Variants in ANKS1B observed in about 807,000 individuals in gnomAD.
ANKS1B encodes ankyrin repeat and sterile alpha motif domain containing 1B, also known as ankyrin repeat and sterile alpha motif domain-containing protein 1B.
ANKS1B carries 36 observed loss-of-function variants against 148.3 expected under a neutral mutation model. The observed-to-expected ratio is 0.24, with a 90% CI of 0.19 to 0.32. ANKS1B has a LOEUF of 0.32. Among genes scored for constraint, ANKS1B ranks in the 10% least tolerant of loss-of-function variants. The probability of loss-of-function intolerance (pLI) is 1.00; values close to 1 mark genes in which losing one functional copy is unlikely to be tolerated. For synonymous variants in ANKS1B, 542 were observed against 560.8 expected (o/e 0.97, Z 0.47); for missense variants, 1,157 against 1,542.6 (o/e 0.75, Z 4.19).
chr12:99,402,294 G>C (rs1049263892), intron 11 of ANKS1B, among the ~76,000 whole-genome samples: 1 of 145,980 alleles, frequency 6.9e-6, no homozygotes, highest in Non-Finnish European at 1.5e-5. Flanking sequence ...TTAGTTTTAT[G>C]AGATGTTAAA....
Position 98,882,383 on chromosome 12 carries a change from T to A in ANKS1B, c.2779-50247A>T, listed in dbSNP as rs533577361. On this transcript the variant is annotated intron_variant, in intron 17 of 26. Coordinates refer to ENST00000683438, the MANE Select transcript of ANKS1B (RefSeq NM_001352186.2). ...GACACCAAAGAGGACAAAATATCCA[T>A]TTCCAGAAGATGTGCAGTATAATTA... is the stretch of plus-strand genomic sequence containing the variant. Among the ~76,000 whole-genome samples the A allele has an allele frequency of 3.3e-5, 5 of 152,310 alleles. No homozygotes were observed. The South Asian group carries it at 1.0e-3, about 32-fold the overall frequency.
At chr12:98,877,279 T>G (rs925712845) in intron 17 of ANKS1B, among the ~76,000 whole-genome samples, 12 of 152,240 alleles carry the variant, frequency 7.9e-5, no homozygotes, top group Admixed American at 5.2e-4. Context: ...ATCTTGATTC[T>G]TATTTTCCAA....
At position 99,775,574 on chromosome 12, in the gene ANKS1B, A is replaced by G; in HGVS notation, c.935T>C (p.Val312Ala). ...ATQETHISSP[V>A]ESPSQKTKSE... The stretch of plus-strand genomic sequence containing the variant: ...TTTGGTCTTTTGGGAAGGAGACTCA[A>G]CAGGAGATGAAATGTGTGTTTCTTG... Residue 312 changes from valine (V) to alanine (A), a missense_variant, in exon 7 of 27, where the codon GTT (valine) becomes GCT (alanine). By Grantham distance (64) the Val-to-Ala change is moderately conservative. Around this residue, in one of 6 missense-constraint regions of ANKS1B, gnomAD observed 661 missense variants for 642.1 expected, o/e 1.03. Transcript: ENST00000683438. 6.2e-7 allele frequency: 1 copy of G among 1,613,390 alleles called. No homozygotes were observed.
intron 17 of ANKS1B, among the ~76,000 whole-genome samples, chr12:98,934,959 TG>T (rs1268387734): frequency 6.6e-6 from 1 of 152,082 alleles, no homozygotes; most frequent in African/African-American, 2.4e-5. Flanking sequence ...CCTTTCAATT[TG>T]GGCACCTTTT....
chr12:99,284,803 T>C (rs1430917694), intron 12 of ANKS1B, among the ~76,000 whole-genome samples: 2 of 152,200 alleles, frequency 1.3e-5, no homozygotes, highest in Admixed American at 6.5e-5. Flanking sequence ...TTAAGGTTTT[T>C]TGTGATCCGG....
chr12:98,914,199 A>G (rs186686227), intron 17 of ANKS1B, among the ~76,000 whole-genome samples: 5 of 149,344 alleles, frequency 3.3e-5, no homozygotes, highest in Admixed American at 3.3e-4. Context: ...AAAGTATGGT[A>G]CCTCCCCACT....
intron 17 of ANKS1B, among the ~76,000 whole-genome samples, chr12:99,032,129 T>C (rs2099952611): frequency 6.6e-6 from 1 of 152,182 alleles, no homozygotes; most frequent in East Asian, 1.9e-4. Flanking sequence ...ATGGGGGTCA[T>C]GACTTACAGT....
intron 16 of ANKS1B, among the ~76,000 whole-genome samples, chr12:99,071,640 CTCTCT>C (rs2046305126): frequency 7.6e-6 from 1 of 131,138 alleles, no homozygotes; most frequent in South Asian, 2.7e-4. Context: ...CATTTAATCT[CTCTCT>C]TTTTTTTTTT....
chr12:99,499,066 G>T (rs766163475), intron 10 of ANKS1B, among the ~76,000 whole-genome samples: 4 of 152,158 alleles, frequency 2.6e-5, no homozygotes, highest in Non-Finnish European at 4.4e-5. Context: ...AACCAGAAAA[G>T]AAGTAACAGT....
At chr12:99,866,590 A>G (rs2090785497) in intron 1 of ANKS1B, among the ~76,000 whole-genome samples, 1 of 152,160 alleles carries the variant, frequency 6.6e-6, no homozygotes, top group Non-Finnish European at 1.5e-5. Flanking sequence ...TTACATGTTC[A>G]ATTATCTTGT....
chr12:98,846,218 G>A (rs570833431), intron 17 of ANKS1B, among the ~76,000 whole-genome samples: 8 of 152,292 alleles, frequency 5.3e-5, no homozygotes, highest in Non-Finnish European at 1.0e-4. Flanking sequence ...TATCCTGTAA[G>A]ATTTAGCTCT....
intron 1 of ANKS1B, among the ~76,000 whole-genome samples, chr12:99,873,816 C>T (rs530823307): frequency 2.0e-5 from 3 of 152,102 alleles, no homozygotes; most frequent in Non-Finnish European, 2.9e-5. Flanking sequence ...AGGTAGGCCT[C>T]GTTCAATCAG....
intron 15 of ANKS1B, among the ~76,000 whole-genome samples, chr12:99,090,982 C>T (rs911178030): frequency 3.9e-5 from 6 of 151,968 alleles, no homozygotes; most frequent in African/African-American, 1.2e-4. Context: ...CTAAAAAATC[C>T]CTCTACCCTA....
chr12:99,482,585 T>C (rs929210746), intron 10 of ANKS1B, among the ~76,000 whole-genome samples: 4 of 152,090 alleles, frequency 2.6e-5, no homozygotes, highest in Non-Finnish European at 4.4e-5. Context: ...GGTATTTTGA[T>C]GGGAATTGCA....
intron 25 of ANKS1B, among the ~76,000 whole-genome samples, chr12:98,758,598 GGT>G (rs2098321826): frequency 1.3e-5 from 2 of 152,140 alleles, no homozygotes; most frequent in South Asian, 4.2e-4. Context: ...CTTCCCCAAG[GGT>G]GAGGTAAAAG....
At chr12:99,871,644 T>C (rs745866961) in intron 1 of ANKS1B, among the ~76,000 whole-genome samples, 1 of 152,164 alleles carries the variant, frequency 6.6e-6, no homozygotes, top group Non-Finnish European at 1.5e-5. Context: ...TTAGCAGTAT[T>C]CCTAGGTATT....
intron 14 of ANKS1B, among the ~76,000 whole-genome samples, chr12:99,223,771 C>T (rs1407281766): frequency 6.6e-6 from 1 of 152,038 alleles, no homozygotes; most frequent in Non-Finnish European, 1.5e-5. Context: ...AGGCTTTCCA[C>T]ACTCCACATT....
chr12:99,202,716 T>C (rs1367887812), intron 14 of ANKS1B, among the ~76,000 whole-genome samples: 1 of 152,234 alleles, frequency 6.6e-6, no homozygotes, highest in Non-Finnish European at 1.5e-5. Context: ...TGTATAACAA[T>C]CAACCTAAAA....
intron 12 of ANKS1B, among the ~76,000 whole-genome samples, chr12:99,380,733 C>A (rs1309222166): frequency 1.3e-5 from 2 of 149,162 alleles, no homozygotes; most frequent in Non-Finnish European, 1.5e-5. Context: ...CAGATTAATT[C>A]TTGTTGATCA....
Sources: allele counts gnomAD v4.1 joint callset (sites outside exome capture counted in the v4.1 genomes callset), GRCh38; gene constraint gnomAD v4.1.1; regional missense constraint gnomAD v4.1.1; transcripts MANE v1.5; gene names NCBI Gene and HGNC (gene_info 2026-07-23, HGNC 2026-07-21).